The following ZSWIM5 variants were observed in gnomAD, a reference collection of about 807,000 sequenced individuals.
ZSWIM5 encodes the protein zinc finger SWIM-type containing 5, also known as zinc finger SWIM domain-containing protein 5.
In ZSWIM5, 55 loss-of-function variants were observed where a neutral mutation model predicts 119.6. The ratio of observed to expected loss-of-function variants is 0.46; its 90% CI spans 0.37 to 0.58. The LOEUF is 0.58. ZSWIM5 is among the 20% of genes least tolerant of loss of function. ZSWIM5 has a pLI of 0.00. For missense variants in ZSWIM5, 1,193 were observed against 1,512.8 expected (o/e 0.79, Z 3.51); for synonymous variants, 537 against 606.9 (o/e 0.88, Z 1.69).
intron 5 of ZSWIM5, among the ~76,000 whole-genome samples, chr1:45,047,476 C>T (rs1245868332): frequency 6.6e-6 from 1 of 152,144 alleles, no homozygotes; most frequent in Non-Finnish European, 1.5e-5. Flanking sequence ...CCCAGAGAGG[C>T]ACGTGGAGTC....
intron 5 of ZSWIM5, 130 bp downstream of exon 5, chr1:45,050,944 C>T (rs1039187726): frequency 5.6e-6 from 5 of 898,218 alleles, no homozygotes; most frequent in African/African-American, 5.1e-5. Context: ...TGAATAAAAA[C>T]ACAGGCTTTT....
At chr1:45,193,215 C>T (rs1453133480) in intron 1 of ZSWIM5, among the ~76,000 whole-genome samples, 1 of 152,174 alleles carries the variant, frequency 6.6e-6, no homozygotes, top group Non-Finnish European at 1.5e-5. Flanking sequence ...CCCCAATCCC[C>T]AACACAGCTC....
intron 2 of ZSWIM5, among the ~76,000 whole-genome samples, chr1:45,066,297 G>C (rs1472067645): frequency 6.6e-6 from 1 of 151,942 alleles, no homozygotes; most frequent in African/African-American, 2.4e-5. Context: ...AATATTTATA[G>C]AGAGCTTGAT....
intron 11 of ZSWIM5, among the ~76,000 whole-genome samples, chr1:45,025,145 G>A (rs1048492218): frequency 1.3e-5 from 2 of 152,134 alleles, no homozygotes; most frequent in Non-Finnish European, 2.9e-5. Flanking sequence ...GACTATATTT[G>A]TGTGAGTCTA....
At chr1:45,184,456 A>G (rs1198140800) in intron 1 of ZSWIM5, among the ~76,000 whole-genome samples, 4 of 152,200 alleles carry the variant, frequency 2.6e-5, no homozygotes, top group Non-Finnish European at 4.4e-5. Flanking sequence ...AGGAAGTCAA[A>G]TTGTCCCTGT....
intron 1 of ZSWIM5, among the ~76,000 whole-genome samples, chr1:45,130,253 A>G (rs1036972495): frequency 2.6e-5 from 4 of 152,194 alleles, no homozygotes; most frequent in South Asian, 2.1e-4. Context: ...CTCTTGCTCT[A>G]TTAAAGAACC....
chr1:45,148,604 T>C (rs886494119), intron 1 of ZSWIM5, among the ~76,000 whole-genome samples: 12 of 152,266 alleles, frequency 7.9e-5, no homozygotes, highest in African/African-American at 2.9e-4. Flanking sequence ...ATCAAATTGG[T>C]TGGGCTCTAC....
intron 1 of ZSWIM5, among the ~76,000 whole-genome samples, chr1:45,108,527 A>C (rs1331314612): frequency 6.6e-6 from 1 of 152,110 alleles, no homozygotes; most frequent in Non-Finnish European, 1.5e-5. Flanking sequence ...AGGAGGAAAG[A>C]GATTTCCTGG....
chr1:45,023,399 T>A (rs1644900031), intron 11 of ZSWIM5, among the ~76,000 whole-genome samples: 1 of 152,028 alleles, frequency 6.6e-6, no homozygotes, highest in Non-Finnish European at 1.5e-5. Context: ...TAAAGACTAG[T>A]GTGATAATAC....
chr1:45,086,233 G>A (rs1437944721), intron 2 of ZSWIM5, among the ~76,000 whole-genome samples: 1 of 152,168 alleles, frequency 6.6e-6, no homozygotes, highest in Non-Finnish European at 1.5e-5. Flanking sequence ...CAGGAGAACA[G>A]AGAGGGGGAA....
At chr1:45,078,972 C>T (rs564299608) in intron 2 of ZSWIM5, among the ~76,000 whole-genome samples, 6 of 152,228 alleles carry the variant, frequency 3.9e-5, no homozygotes, top group African/African-American at 9.6e-5. Context: ...CCAGATGGCC[C>T]GAAGCAAGTG....
intron 1 of ZSWIM5, among the ~76,000 whole-genome samples, chr1:45,135,699 C>CA (rs1645685046): frequency 6.6e-6 from 1 of 152,120 alleles, no homozygotes; most frequent in African/African-American, 2.4e-5. Flanking sequence ...GACTATAAGC[C>CA]ATTTTTTTTC....
At chr1:45,099,719 C>T (rs918566410) in intron 1 of ZSWIM5, among the ~76,000 whole-genome samples, 4 of 152,208 alleles carry the variant, frequency 2.6e-5, no homozygotes, top group Non-Finnish European at 5.9e-5. Context: ...TCGGCTTCAT[C>T]CCTGGGATGC....
At position 45,129,983 on chromosome 1, in the gene ZSWIM5, C is replaced by T. The variant is rs185764199; in HGVS notation, c.596-41746G>A. On this transcript the variant is annotated intron_variant, in intron 1 of 13. Coordinates refer to ENST00000359600, the MANE Select transcript of ZSWIM5 (RefSeq NM_020883.2). The stretch of plus-strand genomic sequence containing the variant: ...TGTGATCTCAGCTCACTGCAACCTC[C>T]GCCTCCCGGGTTCAAGTGATTCTCC... 7.8e-4 allele frequency among the ~76,000 whole-genome samples: 118 copies of T among 152,178 alleles called. 1 individual carries two copies. Among genetic ancestry groups the T allele is most frequent in the Middle Eastern group, 3.4e-3 (1 of 294 alleles).
chr1:45,153,225 A>C (rs575646096), intron 1 of ZSWIM5, among the ~76,000 whole-genome samples: 1 of 152,036 alleles, frequency 6.6e-6, no homozygotes, highest in East Asian at 1.9e-4. Context: ...GATTTCTCAA[A>C]GAATTAAAAA....
At chr1:45,040,063 C>T (rs1328049307) in intron 7 of ZSWIM5, among the ~76,000 whole-genome samples, 1 of 152,070 alleles carries the variant, frequency 6.6e-6, no homozygotes, top group Admixed American at 6.6e-5. Context: ...GTCTCAAACT[C>T]CTGGCCTCAA....
At position 45,182,236 on chromosome 1, in the gene ZSWIM5, C is replaced by T. The variant is rs552908316; in HGVS notation, c.595+23520G>A. ...TCGAGACCACGGTGAAACCCCGTCTCTACTAAAAATACAAAAAATTAGCCG... is the reference window on the plus strand; with the variant it reads ...TCGAGACCACGGTGAAACCCCGTCTTTACTAAAAATACAAAAAATTAGCCG... On this transcript the variant is annotated intron_variant, in intron 1 of 13. Transcript: ENST00000359600. Among the ~76,000 whole-genome samples, 1,123 of 152,094 alleles carry T rather than the reference C, an allele frequency of 7.4e-3. 14 individuals carry two copies. The highest frequency in any genetic ancestry group is 9.1e-3 in the Non-Finnish European group (619 of 68,008).
At chr1:45,169,436 T>C (rs571776981) in intron 1 of ZSWIM5, among the ~76,000 whole-genome samples, 5 of 152,054 alleles carry the variant, frequency 3.3e-5, no homozygotes, top group Non-Finnish European at 7.4e-5. Context: ...AAAAAAGATA[T>C]GTAACTTAAT....
In ZSWIM5 at chr1:45,172,328, T is replaced by C. The variant is rs74070883; in HGVS notation, c.595+33428A>G. Among the ~76,000 whole-genome samples, 1,018 of 152,078 alleles carry C rather than the reference T, an allele frequency of 6.7e-3. 12 individuals are homozygous for C. Among genetic ancestry groups the C allele is most frequent in the African/African-American group, 0.022 (910 of 41,500 alleles). On this transcript the variant is annotated intron_variant, in intron 1 of 13. Coordinates refer to ENST00000359600, the MANE Select transcript of ZSWIM5 (RefSeq NM_020883.2). ...AGGAAGATAAAATATCAACTTCAAT[T>C]GGTAATAAACAGCAAATATATTGGT...
Sources: allele counts gnomAD v4.1 joint callset (sites outside exome capture counted in the v4.1 genomes callset), GRCh38; gene constraint gnomAD v4.1.1; transcripts MANE v1.5; gene names NCBI Gene and HGNC (gene_info 2026-07-23, HGNC 2026-07-21).